MLLT3: variants seen among roughly 807,000 people sequenced by gnomAD.
MLLT3 encodes protein AF-9.
In MLLT3, 4 loss-of-function variants were observed where a neutral mutation model predicts 53.2. The observed-to-expected ratio is 0.08, with a 90% CI of 0.04 to 0.17. The LOEUF (loss-of-function observed/expected upper bound fraction) is 0.17, where lower values mean the gene tolerates loss of function less well. Among genes scored for constraint, MLLT3 ranks in the 10% least tolerant of loss-of-function variants. The probability of loss-of-function intolerance (pLI) is 1.00; values close to 1 mark genes in which losing one functional copy is unlikely to be tolerated. For synonymous variants in MLLT3, 283 were observed against 230.6 expected (o/e 1.23, Z -2.06); for missense variants, 569 against 684.0 (o/e 0.83, Z 1.87).
At chr9:20,418,163 TA>T (rs1195201420) in intron 4 of MLLT3, among the ~76,000 whole-genome samples, 3 of 152,228 alleles carry the variant, frequency 2.0e-5, no homozygotes, top group African/African-American at 7.2e-5. Flanking sequence ...GGACACTTCC[TA>T]AAAATTGTAG....
rs955473935 is a variant in MLLT3 at position 20,564,563 on chromosome 9, A to G, written c.193+56091T>C. On this transcript the variant is annotated intron_variant, in intron 2 of 10. Transcript: ENST00000380338. ...GTACATAAGCTTCCCAATACAGTAA[A>G]AGCTGCAAAGCTAGCTATAGTCTCA... Among the ~76,000 whole-genome samples, 3 of 152,172 alleles carry G rather than the reference A, an allele frequency of 2.0e-5. No homozygotes were observed. In the East Asian group the frequency reaches 5.8e-4, roughly 29 times the overall value.
chr9:20,369,574 A>C (rs1042397706), intron 5 of MLLT3, among the ~76,000 whole-genome samples: 1 of 152,194 alleles, frequency 6.6e-6, no homozygotes, highest in African/African-American at 2.4e-5. Context: ...TTCACCTGTT[A>C]ACTGCTCAAA....
intron 2 of MLLT3, among the ~76,000 whole-genome samples, chr9:20,473,497 G>A (rs188644469): frequency 5.9e-5 from 9 of 152,166 alleles, no homozygotes; most frequent in African/African-American, 1.4e-4. Flanking sequence ...CTAGAGGTAC[G>A]TCTGTTTACT....
chr9:20,342,857 T>A lies in MLLT3; in HGVS notation c.*3586A>T, dbSNP rs1820771058. Reference sequence around the variant, plus strand: ...GTGTATATATATATATATATGTATATATAAATATAGGAGCAGTACATAGCA... The same window carrying A: ...GTGTATATATATATATATATGTATAAATAAATATAGGAGCAGTACATAGCA... On this transcript the variant is annotated 3_prime_UTR_variant, in exon 11 of 11. Transcript: ENST00000380338. 1 of 174,978 alleles carries A rather than the reference T, an allele frequency of 5.7e-6. No individual in the cohort carries two copies. Among genetic ancestry groups the A allele is most frequent in the East Asian group, 9.9e-5 (1 of 10,150 alleles). 10.8% of individuals were successfully genotyped at this position (174,978 alleles called of 1,614,324 possible).
At chr9:20,538,153 G>A (rs1470910959) in intron 2 of MLLT3, among the ~76,000 whole-genome samples, 1 of 152,118 alleles carries the variant, frequency 6.6e-6, no homozygotes, top group Non-Finnish European at 1.5e-5. Flanking sequence ...TAGAACCTAA[G>A]AATTTAGCTA....
In MLLT3 at chr9:20,345,541, T is replaced by C. The variant is rs1387372117; in HGVS notation, c.*902A>G. ...CCTGTGGAATGCCTTTACTTCCATA[T>C]TCACCTAATATTGTAACAGTAAAAC... is the stretch of plus-strand genomic sequence containing the variant. On this transcript the variant is annotated 3_prime_UTR_variant, in exon 11 of 11. Coordinates refer to ENST00000380338, the MANE Select transcript of MLLT3 (RefSeq NM_004529.4). The C allele has an allele frequency of 5.0e-6, 1 of 201,688 alleles. No homozygotes were observed. The highest frequency in any genetic ancestry group is 1.0e-5 in the Non-Finnish European group (1 of 98,226). 12.5% of individuals were successfully genotyped at this position (201,688 alleles called of 1,614,324 possible).
At chr9:20,501,479 C>T (rs1009571389) in intron 2 of MLLT3, among the ~76,000 whole-genome samples, 11 of 152,068 alleles carry the variant, frequency 7.2e-5, no homozygotes, top group Admixed American at 3.9e-4. Context: ...CGGCCGGGCA[C>T]GGTGGCTCAC....
intron 2 of MLLT3, among the ~76,000 whole-genome samples, chr9:20,499,821 T>A (rs988025178): frequency 6.6e-6 from 1 of 152,168 alleles, no homozygotes; most frequent in Non-Finnish European, 1.5e-5. Context: ...TCCCAGCTAC[T>A]CAGAAGGCTG....
At chr9:20,349,339 T>A (rs1820952929) in intron 10 of MLLT3, among the ~76,000 whole-genome samples, 1 of 152,192 alleles carries the variant, frequency 6.6e-6, no homozygotes, top group Non-Finnish European at 1.5e-5. Context: ...AATTGCTACC[T>A]AAGTCAGGAT....
chr9:20,581,939 G>A (rs529698109), intron 2 of MLLT3, among the ~76,000 whole-genome samples: 3 of 152,036 alleles, frequency 2.0e-5, no homozygotes, highest in African/African-American at 4.8e-5. Flanking sequence ...TGAAACCACA[G>A]AACAAAGTTC....
chr9:20,433,387 A>T (rs763867114), intron 4 of MLLT3, among the ~76,000 whole-genome samples: 25 of 152,222 alleles, frequency 1.6e-4, no homozygotes, highest in Non-Finnish European at 3.2e-4. Flanking sequence ...GTCCATGATG[A>T]TAAAATAAAC....
chr9:20,535,283 G>C (rs889256362), intron 2 of MLLT3, among the ~76,000 whole-genome samples: 2 of 152,150 alleles, frequency 1.3e-5, no homozygotes, highest in African/African-American at 4.8e-5. Flanking sequence ...GATGATTTGA[G>C]GTGGAACAGT....
chr9:20,354,521 A>C (rs1251126471), intron 9 of MLLT3, among the ~76,000 whole-genome samples: 1 of 152,194 alleles, frequency 6.6e-6, no homozygotes, highest in African/African-American at 2.4e-5. Flanking sequence ...TTAATATTCT[A>C]TCTCTACCAC....
intron 9 of MLLT3, among the ~76,000 whole-genome samples, chr9:20,353,946 G>C (rs1821099845): frequency 7.4e-6 from 1 of 134,380 alleles, no homozygotes; most frequent in African/African-American, 4.1e-5. Flanking sequence ...ATTAACAAAG[G>C]CTACTTTCAT....
chr9:20,456,191 G>A (rs1450250158), intron 3 of MLLT3, among the ~76,000 whole-genome samples: 10 of 151,868 alleles, frequency 6.6e-5, no homozygotes, highest in Non-Finnish European at 1.3e-4. Context: ...CGCCCGCCTC[G>A]GCCTCCCAAA....
At chr9:20,503,859 A>G (rs1335676741) in intron 2 of MLLT3, among the ~76,000 whole-genome samples, 1 of 152,196 alleles carries the variant, frequency 6.6e-6, no homozygotes, top group East Asian at 1.9e-4. Context: ...CAATAGCAAG[A>G]AAATAAATAA....
intron 8 of MLLT3, among the ~76,000 whole-genome samples, chr9:20,358,564 G>C (rs1209394990): frequency 6.6e-6 from 1 of 152,192 alleles, no homozygotes; most frequent in Non-Finnish European, 1.5e-5. Flanking sequence ...GTCTGACAAA[G>C]AGTCTAAACC....
intron 4 of MLLT3, among the ~76,000 whole-genome samples, chr9:20,443,155 C>T (rs975435022): frequency 3.3e-5 from 5 of 151,896 alleles, no homozygotes; most frequent in African/African-American, 9.7e-5. Flanking sequence ...GAAAGAAAGG[C>T]AGCAGGAACA....
At chr9:20,385,722 G>A (rs192819990) in intron 5 of MLLT3, among the ~76,000 whole-genome samples, 1 of 152,272 alleles carries the variant, frequency 6.6e-6, no homozygotes, top group Non-Finnish European at 1.5e-5. Flanking sequence ...AGTGCCCAAT[G>A]GGGTGGGGTA....
Sources: allele counts gnomAD v4.1 joint callset (sites outside exome capture counted in the v4.1 genomes callset), GRCh38; gene constraint gnomAD v4.1.1; transcripts MANE v1.5; gene names NCBI Gene and HGNC (gene_info 2026-07-23, HGNC 2026-07-21).